NEK11: variants seen among roughly 807,000 people sequenced by gnomAD.
The protein encoded by NEK11 is NIMA related kinase 11.
NEK11 carries 72 observed loss-of-function variants against 80.7 expected under a neutral mutation model. The observed-to-expected ratio is 0.89, with a 90% confidence interval of 0.74 to 1.08. The LOEUF is 1.08. NEK11 is among the 50% of genes least tolerant of loss of function. The pLI is 0.00. For missense variants in NEK11, 764 were observed against 763.6 expected, an observed-to-expected ratio of 1.00 and a Z score of -0.01; for synonymous variants, 251 against 260.7, an observed-to-expected ratio of 0.96 and a Z score of 0.36.
chr3:131,347,496 T>C (rs2110547616), intron 17 of NEK11, among the ~76,000 whole-genome samples: 1 of 152,312 alleles, frequency 6.6e-6, no homozygotes, highest in South Asian at 2.1e-4. Context: ...ACATATCCTA[T>C]GATTTAGAGA....
intron 4 of NEK11, among the ~76,000 whole-genome samples, chr3:131,085,646 T>A (rs1432657131): frequency 1.3e-5 from 2 of 152,114 alleles, no homozygotes; most frequent in Non-Finnish European, 2.9e-5. Flanking sequence ...CTAAATGGAA[T>A]GATGTGATAA....
intron 4 of NEK11, among the ~76,000 whole-genome samples, chr3:131,082,201 T>C (rs761808201): frequency 5.9e-5 from 9 of 152,178 alleles, no homozygotes; most frequent in South Asian, 2.1e-4. Context: ...ATATTTACTC[T>C]GGCAAATATG....
chr3:131,125,520 A>T (rs1578699999), intron 5 of NEK11, among the ~76,000 whole-genome samples: 1 of 152,184 alleles, frequency 6.6e-6, no homozygotes, highest in Admixed American at 6.5e-5. Flanking sequence ...ACAATTATAA[A>T]TAATTCTTTA....
At chr3:131,118,197 T>C (rs2081642265) in intron 5 of NEK11, among the ~76,000 whole-genome samples, 1 of 152,230 alleles carries the variant, frequency 6.6e-6, no homozygotes, top group Non-Finnish European at 1.5e-5. Flanking sequence ...CTGTTGAAGT[T>C]TGTCGAAGGC....
intron 9 of NEK11, among the ~76,000 whole-genome samples, 181 bp downstream of exon 9, chr3:131,152,890 C>T (rs2089951355): frequency 6.6e-6 from 1 of 152,084 alleles, no homozygotes; most frequent in Non-Finnish European, 1.5e-5. Context: ...TCGAGACCAT[C>T]CTGGCCAACA....
At chr3:131,322,090 AG>A (rs1431935218) in intron 17 of NEK11, among the ~76,000 whole-genome samples, 1 of 152,222 alleles carries the variant, frequency 6.6e-6, no homozygotes, top group African/African-American at 2.4e-5. Context: ...GAATCAACCT[AG>A]GTGCTCATCA....
intron 15 of NEK11, 80 bp downstream of exon 15, chr3:131,228,768 A>T: frequency 1.4e-6 from 2 of 1,424,376 alleles, no homozygotes; most frequent in Non-Finnish European, 1.9e-6. Context: ...AGGAAGTCTT[A>T]TAAGGTGAAG....
intron 16 of NEK11, among the ~76,000 whole-genome samples, chr3:131,258,812 T>C (rs1001969348): frequency 1.3e-5 from 2 of 152,200 alleles, no homozygotes; most frequent in South Asian, 4.1e-4. Context: ...ATATTTCCTA[T>C]AAGTAGCAAG....
intron 16 of NEK11, among the ~76,000 whole-genome samples, chr3:131,260,980 G>C (rs2095908231): frequency 6.6e-6 from 1 of 152,120 alleles, no homozygotes; most frequent in Non-Finnish European, 1.5e-5. Context: ...CCACATGGCA[G>C]GGTGTTTAGC....
At chr3:131,264,627 A>G (rs1466753254) in intron 16 of NEK11, among the ~76,000 whole-genome samples, 4 of 152,130 alleles carry the variant, frequency 2.6e-5, no homozygotes, top group Non-Finnish European at 4.4e-5. Flanking sequence ...CTTGTAGTAT[A>G]GTTTGAAGTC....
At chr3:131,152,829 G>C (rs2089938068) in intron 9 of NEK11, 120 bp downstream of exon 9, 4 of 755,276 alleles carry the variant, frequency 5.3e-6, no homozygotes, top group Non-Finnish European at 8.6e-6. Flanking sequence ...GGAGGAAAAA[G>C]GCCAAAAAGA....
chr3:131,038,827 C>G (rs1378964658), intron 3 of NEK11, among the ~76,000 whole-genome samples: 1 of 152,078 alleles, frequency 6.6e-6, no homozygotes, highest in East Asian at 1.9e-4. Flanking sequence ...ATTTATCATT[C>G]CACTCTGTTC....
chr3:131,195,810 A>AT (rs890936485), intron 14 of NEK11, among the ~76,000 whole-genome samples: 6 of 146,750 alleles, frequency 4.1e-5, no homozygotes, highest in African/African-American at 1.5e-4. Context: ...ATATATATAT[A>AT]TATATATATA....
At chr3:131,303,623 G>T (rs2096686833) in intron 17 of NEK11, among the ~76,000 whole-genome samples, 1 of 152,144 alleles carries the variant, frequency 6.6e-6, no homozygotes, top group Non-Finnish European at 1.5e-5. Context: ...TTAGTTGGCT[G>T]GGTATGAAAT....
intron 17 of NEK11, among the ~76,000 whole-genome samples, chr3:131,348,683 T>C (rs1443438632): frequency 2.0e-5 from 3 of 150,836 alleles, no homozygotes; most frequent in Non-Finnish European, 4.4e-5. Context: ...ATACTAGATA[T>C]GGCAATATGA....
At chr3:131,313,152 G>A (rs559201672) in intron 17 of NEK11, among the ~76,000 whole-genome samples, 3 of 152,228 alleles carry the variant, frequency 2.0e-5, no homozygotes, top group South Asian at 4.1e-4. Flanking sequence ...CAAAGGACAT[G>A]ATCTCACTTT....
chr3:131,056,411 A>G (rs574246785), intron 3 of NEK11, among the ~76,000 whole-genome samples: 3 of 152,072 alleles, frequency 2.0e-5, no homozygotes, highest in African/African-American at 7.2e-5. Flanking sequence ...GGGTCAGGAC[A>G]CTCACTGTGT....
intron 14 of NEK11, among the ~76,000 whole-genome samples, chr3:131,221,813 T>C (rs2095035757): frequency 6.6e-6 from 1 of 152,178 alleles, no homozygotes; most frequent in Non-Finnish European, 1.5e-5. Context: ...GAGCAATAGT[T>C]CTCAAAGTGT....
intron 16 of NEK11, among the ~76,000 whole-genome samples, chr3:131,260,871 C>G (rs1001326754): frequency 2.0e-5 from 3 of 152,146 alleles, no homozygotes; most frequent in Admixed American, 6.6e-5. Context: ...AGGGCAGTGT[C>G]TGTGAGGATT....
Sources: allele counts gnomAD v4.1 joint callset (sites outside exome capture counted in the v4.1 genomes callset), GRCh38; gene constraint gnomAD v4.1.1; transcripts MANE v1.5; gene names NCBI Gene and HGNC (gene_info 2026-07-23, HGNC 2026-07-21).